NAGK: variants seen among roughly 807,000 people sequenced by gnomAD.
NAGK encodes the protein N-acetyl-D-glucosamine kinase.
In NAGK, 35 loss-of-function variants were observed where a neutral mutation model predicts 42.9. The ratio of observed to expected loss-of-function variants is 0.82; its 90% CI spans 0.62 to 1.08. The LOEUF (loss-of-function observed/expected upper bound fraction) is 1.08, where lower values mean the gene tolerates loss of function less well. Ranked by LOEUF, NAGK falls within the 50% of genes least tolerant of loss-of-function variation. NAGK has a pLI of 0.00. For missense variants in NAGK, 446 were observed against 446.0 expected, an observed-to-expected ratio of 1.00 and a Z score of 0.00; for synonymous variants, 172 against 176.0, an observed-to-expected ratio of 0.98 and a Z score of 0.18.
chr2:71,077,695 G>A (rs1050327871), intron 9 of NAGK, 59 bp downstream of exon 9: 6 of 1,542,722 alleles, frequency 3.9e-6, no homozygotes, highest in Middle Eastern at 1.7e-4. Flanking sequence ...AAAGGAGGTG[G>A]CCCAGGAAAG....
Position 71,069,196 on chromosome 2 carries a change from G to C in NAGK, c.29+484G>C, listed in dbSNP as rs1354391480. The stretch of plus-strand genomic sequence containing the variant: ...TAGGTTGTCCTGATGTCTGAAAACC[G>C]CTCCATCCCTGTTGGCCTTCCATGC... On this transcript the variant is annotated intron_variant, in intron 1 of 9. Transcript: ENST00000244204. 4.1e-6 allele frequency: 3 copies of C among 724,704 alleles called. No homozygotes were observed. The African/African-American group carries it at 5.8e-5, about 14-fold the overall frequency. The allele number at this position is 724,704 out of a possible 1,614,324, so 44.9% of individuals were successfully genotyped here. A position where few individuals can be genotyped will look rare whatever the true frequency, so the allele number is the denominator to read the frequency against.
intron 7 of NAGK, 197 bp downstream of exon 7, chr2:71,075,839 T>A: frequency 1.7e-6 from 1 of 588,230 alleles, no homozygotes; most frequent in Non-Finnish European, 3.1e-6. Flanking sequence ...TTGACAGTTT[T>A]GTATTACCTG....
chr2:71,071,924 G>A (rs1672028007), intron 4 of NAGK, 97 bp downstream of exon 4: 1 of 1,463,246 alleles, frequency 6.8e-7, no homozygotes, highest in African/African-American at 1.4e-5. Context: ...ATATCCAGAA[G>A]GCAGCCACTC....
intron 9 of NAGK, among the ~76,000 whole-genome samples, 190 bp from the exon 10 acceptor site, chr2:71,078,128 C>A (rs1223083268): frequency 6.6e-6 from 1 of 152,172 alleles, no homozygotes; most frequent in Non-Finnish European, 1.5e-5. Flanking sequence ...GGAGAGCAGG[C>A]CCCCTATGTT....
chr2:71,072,876 G>C, intron 5 of NAGK, 125 bp downstream of exon 5: 1 of 814,606 alleles, frequency 1.2e-6, no homozygotes, highest in Non-Finnish European at 2.1e-6. Flanking sequence ...CCTGAACCTG[G>C]CCATTCCATG....
chr2:71,068,519 G>T, upstream of NAGK: 1 of 1,449,862 alleles, frequency 6.9e-7, no homozygotes, highest in Non-Finnish European at 9.1e-7. Flanking sequence ...AGCCATCCCC[G>T]GCTCCTACCG....
upstream of NAGK, chr2:71,068,622 G>C: frequency 6.6e-7 from 1 of 1,524,092 alleles, no homozygotes; most frequent in Non-Finnish European, 8.8e-7. Flanking sequence ...CAGCTGGAGG[G>C]AAGGAGGTGT....
chr2:71,077,777 G>A (rs1241716671), intron 9 of NAGK, 141 bp downstream of exon 9: 5 of 811,650 alleles, frequency 6.2e-6, no homozygotes, highest in African/African-American at 5.1e-5. Flanking sequence ...CCCGTCTAAG[G>A]CCCTCAACCT....
intron 5 of NAGK, 114 bp downstream of exon 5, chr2:71,072,865 T>C (rs1572978509): frequency 1.1e-6 from 1 of 924,196 alleles, no homozygotes; most frequent in East Asian, 2.7e-5. Flanking sequence ...TGGGGACAAC[T>C]CCTGAACCTG....
intron 1 of NAGK, chr2:71,070,262 GAAGCGT>G (rs1354970386): frequency 2.3e-6 from 1 of 425,990 alleles, no homozygotes; most frequent in African/African-American, 2.0e-5. Context: ...AGGACTAGGT[GAAGCGT>G]AAGTAGAGTC....
rs1292037360 is a variant in NAGK, at chr2:71,074,251, G to A, written c.579+657G>A. Among the ~76,000 whole-genome samples, 3 of 152,166 alleles carry A rather than the reference G, an allele frequency of 2.0e-5. No individual in the cohort carries two copies. In the East Asian group the frequency reaches 5.8e-4, roughly 29 times the overall value. On this transcript the variant is annotated intron_variant, in intron 6 of 9. Transcript: ENST00000244204. ...CTGTCCAGACATTTAGGTGGGCTGG[G>A]GCTGGGGCTGGGACCAGGACCAAGG... is the stretch of plus-strand genomic sequence containing the variant.
intron 1 of NAGK, chr2:71,070,294 G>A: frequency 2.0e-6 from 1 of 491,900 alleles, no homozygotes. Flanking sequence ...GGATAAGGAG[G>A]ACATCCCCAA....
rs747999929 is a variant in NAGK at position 71,078,520 on chromosome 2, C to T, written c.*12C>T. On this transcript the variant is annotated 3_prime_UTR_variant, in exon 10 of 10. Transcript: ENST00000244204. ...ACACCTTTTCCTAGGGGGCTGGTCCCGGCTCCACCCCCTCCAAGCTCAGTG... is the reference window on the plus strand; with the variant it reads ...ACACCTTTTCCTAGGGGGCTGGTCCTGGCTCCACCCCCTCCAAGCTCAGTG... 48 of 1,505,366 alleles carry T rather than the reference C, an allele frequency of 3.2e-5. 1 individual carries two copies. The South Asian group carries it at 5.5e-4, about 17-fold the overall frequency. 93.3% of individuals were successfully genotyped at this position (1,505,366 alleles called of 1,614,324 possible).
At chr2:71,071,656 G>A (rs1454622530) in intron 3 of NAGK, 30 bp from the exon 4 acceptor site, 2 of 1,596,016 alleles carry the variant, frequency 1.3e-6, no homozygotes, top group Non-Finnish European at 1.7e-6. Flanking sequence ...CTGGGGCTCT[G>A]CACACTCGCT....
intron 4 of NAGK, 122 bp downstream of exon 4, chr2:71,071,949 A>G: frequency 7.7e-7 from 1 of 1,301,916 alleles, no homozygotes; most frequent in Non-Finnish European, 1.0e-6. Flanking sequence ...ATTCCCCTCA[A>G]CTCTTTAAGT....
intron 4 of NAGK, 134 bp downstream of exon 4, chr2:71,071,961 G>GT: frequency 8.1e-7 from 1 of 1,236,398 alleles, no homozygotes. Context: ...TCTTTAAGTA[G>GT]TTTAAGTCTC....
rs907726326 is a variant in NAGK, at chr2:71,078,701, A to G, written c.*193A>G. The G allele has an allele frequency of 4.5e-6, 3 of 669,454 alleles. No individual in the cohort carries two copies. The highest frequency in any genetic ancestry group is 7.1e-6 in the Non-Finnish European group (3 of 420,528). 41.5% of individuals were successfully genotyped at this position (669,454 alleles called of 1,614,324 possible). A position where few individuals can be genotyped will look rare whatever the true frequency, so the allele number is the denominator to read the frequency against. On this transcript the variant is annotated 3_prime_UTR_variant, in exon 10 of 10. Coordinates refer to ENST00000244204, the MANE Select transcript of NAGK (RefSeq NM_017567.6). ...ATCCTCAGTGCACCTGCCAGCAGAT[A>G]TCCTGGAGGGCTCATGAGTGAATTT...
Position 71,070,516 on chromosome 2 carries a change from C to G in NAGK, c.44C>G (p.Ser15Cys). 2 of 1,613,926 alleles carry G rather than the reference C, an allele frequency of 1.2e-6. No homozygotes were observed. Among genetic ancestry groups the G allele is most frequent in the Non-Finnish European group, 1.7e-6 (2 of 1,179,904 alleles). Residue 15 changes from serine to cysteine, a missense_variant, in exon 2 of 10, where the codon TCC becomes TGC. Ser to Cys is a moderately radical substitution (Grantham distance 112, BLOSUM62 -1). Coordinates refer to ENST00000244204, the MANE Select transcript of NAGK (RefSeq NM_017567.6). ...YGGVEGGGTR[S>C]EVLLVSEDGK... is the part of the protein sequence containing the mutation. ...GTGTTCTGTAGGGGAGGCACACGAT[C>G]CGAGGTCCTTTTAGTCTCAGAGGAT...
chr2:71,073,105 C>T, intron 5 of NAGK: 1 of 451,356 alleles, frequency 2.2e-6, no homozygotes, highest in Non-Finnish European at 4.1e-6. Flanking sequence ...TGTAGAAGCC[C>T]TTCCAACATC....
Sources: gnomAD v4.1 joint callset for allele counts (sites outside exome capture counted in the v4.1 genomes callset) on GRCh38, gnomAD v4.1.1 for gene constraint, MANE v1.5 for transcripts, NCBI Gene and HGNC (gene_info 2026-07-23, HGNC 2026-07-21) for gene names.